The following MACROD2 variants were observed in gnomAD, a reference collection of about 807,000 sequenced individuals.
MACROD2 encodes mono-ADP ribosylhydrolase 2.
MACROD2 carries 36 observed loss-of-function variants against 70.4 expected under a neutral mutation model. The observed-to-expected ratio is 0.51, with a 90% CI of 0.39 to 0.68. The LOEUF is 0.68. Ranked by LOEUF, MACROD2 falls within the 30% of genes least tolerant of loss-of-function variation. The pLI, the probability that MACROD2 is intolerant of heterozygous loss-of-function variation, is 0.00. For missense variants in MACROD2, 496 were observed against 538.4 expected, an observed-to-expected ratio of 0.92 and a Z score of 0.78; for synonymous variants, 172 against 178.8, an observed-to-expected ratio of 0.96 and a Z score of 0.30.
intron 10 of MACROD2, among the ~76,000 whole-genome samples, chr20:15,895,849 G>A (rs1222533829): frequency 6.6e-6 from 1 of 152,178 alleles, no homozygotes; most frequent in Admixed American, 6.5e-5. Context: ...ACCGCATTGA[G>A]GTGCATCCAC....
intron 10 of MACROD2, among the ~76,000 whole-genome samples, chr20:15,892,324 C>T (rs151056824): frequency 2.6e-5 from 4 of 152,258 alleles, no homozygotes; most frequent in East Asian, 1.9e-4. Context: ...GAAATAAACT[C>T]GGAGATGCTT....
chr20:14,362,889 G>C (rs561111057), intron 3 of MACROD2, among the ~76,000 whole-genome samples: 1 of 152,078 alleles, frequency 6.6e-6, no homozygotes, highest in Non-Finnish European at 1.5e-5. Flanking sequence ...GAGTATTCTT[G>C]TTTTTAATGT....
At chr20:14,070,440 C>T (rs2053822876) in intron 2 of MACROD2, among the ~76,000 whole-genome samples, 1 of 152,088 alleles carries the variant, frequency 6.6e-6, no homozygotes, top group South Asian at 2.1e-4. Flanking sequence ...CCTGGGATTC[C>T]TCTAGTTCCC....
intron 4 of MACROD2, among the ~76,000 whole-genome samples, chr20:14,591,483 T>G (rs544978041): frequency 6.6e-6 from 1 of 152,312 alleles, no homozygotes; most frequent in Admixed American, 6.5e-5. Flanking sequence ...TTTCCAGCAA[T>G]GCCTGTTTTA....
chr20:15,529,586 C>CA (rs1018332398), intron 8 of MACROD2, among the ~76,000 whole-genome samples: 1 of 150,554 alleles, frequency 6.6e-6, no homozygotes, highest in African/African-American at 2.4e-5. Flanking sequence ...TAAATACAAG[C>CA]AAAAAAATGT....
chr20:14,167,964 A>G (rs2081186349), intron 3 of MACROD2, among the ~76,000 whole-genome samples: 3 of 152,314 alleles, frequency 2.0e-5, no homozygotes, highest in South Asian at 2.1e-4. Flanking sequence ...ATCAGTCAAA[A>G]GAAATATCCA....
chr20:15,347,343 A>T (rs1390311471), intron 6 of MACROD2, among the ~76,000 whole-genome samples: 1 of 152,096 alleles, frequency 6.6e-6, no homozygotes, highest in African/African-American at 2.4e-5. Flanking sequence ...GTTTTTACTT[A>T]TTAGAAATGG....
chr20:15,553,541 C>T (rs533670563), intron 8 of MACROD2, among the ~76,000 whole-genome samples: 1 of 152,244 alleles, frequency 6.6e-6, no homozygotes, highest in South Asian at 2.1e-4. Context: ...ACCTCAGCCT[C>T]CCAAGTAGCT....
chr20:15,859,198 A>T (rs1568601501), intron 8 of MACROD2, among the ~76,000 whole-genome samples: 2 of 152,180 alleles, frequency 1.3e-5, no homozygotes, highest in East Asian at 3.8e-4. Flanking sequence ...TATTGTCTTC[A>T]CATTGAGTGG....
At chr20:15,600,832 CA>C (rs2048809754) in intron 8 of MACROD2, among the ~76,000 whole-genome samples, 1 of 152,088 alleles carries the variant, frequency 6.6e-6, no homozygotes, top group Non-Finnish European at 1.5e-5. Flanking sequence ...CACAGGAGCT[CA>C]AAAATATATA....
chr20:14,595,549 A>G (rs1982070243), intron 4 of MACROD2, among the ~76,000 whole-genome samples: 1 of 152,190 alleles, frequency 6.6e-6, no homozygotes, highest in Non-Finnish European at 1.5e-5. Context: ...CTCTGTGACT[A>G]TATAAAATTT....
intron 15 of MACROD2, among the ~76,000 whole-genome samples, chr20:16,023,988 G>A (rs1423976303): frequency 2.0e-5 from 3 of 152,186 alleles, no homozygotes; most frequent in Admixed American, 1.3e-4. Context: ...AGAGTGCAGA[G>A]ATACTGTCCC....
intron 8 of MACROD2, among the ~76,000 whole-genome samples, chr20:15,808,821 T>G (rs6131722): frequency 0.033 from 5,101 of 152,308 alleles, 369 homozygotes; most frequent in East Asian, 0.31. Flanking sequence ...ATCCCTACCC[T>G]AACACATTGG....
At chr20:15,297,154 A>G (rs1011120507) in intron 6 of MACROD2, among the ~76,000 whole-genome samples, 2 of 152,212 alleles carry the variant, frequency 1.3e-5, no homozygotes, top group Non-Finnish European at 2.9e-5. Context: ...TAAAATGTTT[A>G]TTGCAGATTG....
chr20:14,547,294 T>A, intron 4 of MACROD2: 1 of 322,406 alleles, frequency 3.1e-6, no homozygotes, highest in Non-Finnish European at 5.5e-6. Flanking sequence ...ATGATAAATG[T>A]GCATGCATGG....
chr20:14,000,665 A>G (rs1472835076), intron 1 of MACROD2, among the ~76,000 whole-genome samples: 1 of 152,246 alleles, frequency 6.6e-6, no homozygotes, highest in Non-Finnish European at 1.5e-5. Context: ...AGCCAGTGTC[A>G]GTTTATACAT....
rs146662837 is a variant in MACROD2 at position 15,649,207 on chromosome 20, C to CTTCTTTCT, written c.645+149394_645+149401dup. On this transcript the variant is annotated intron_variant, in intron 8 of 17. Transcript: ENST00000684519. ...TTCTTTTTCCTTTCTTCTTTCTTTCCTTCTTTCTTTCTTTCTTTCTTTCTT... is the reference window on the plus strand; with the variant it reads ...TTCTTTTTCCTTTCTTCTTTCTTTCCTTCTTTCTTTCTTTCTTTCTTTCTTTCTTTCTT... Among the ~76,000 whole-genome samples the CTTCTTTCT allele has an allele frequency of 3.5e-3, 487 of 137,740 alleles. 2 individuals are homozygous for CTTCTTTCT. The highest frequency in any genetic ancestry group is 0.012 in the African/African-American group (435 of 36,282). 90.4% of individuals were successfully genotyped at this position (137,740 alleles called of 152,430 possible).
At chr20:14,139,467 T>A (rs1016881086) in intron 3 of MACROD2, among the ~76,000 whole-genome samples, 3 of 152,214 alleles carry the variant, frequency 2.0e-5, no homozygotes, top group Non-Finnish European at 4.4e-5. Context: ...AGAAAACTGG[T>A]TTTACTCATC....
intron 2 of MACROD2, among the ~76,000 whole-genome samples, chr20:14,010,056 T>C (rs2052880614): frequency 6.6e-6 from 1 of 152,136 alleles, no homozygotes; most frequent in Admixed American, 6.5e-5. Flanking sequence ...TTGATCTGTG[T>C]AGCTGGCCAC....
Sources: allele counts gnomAD v4.1 joint callset (sites outside exome capture counted in the v4.1 genomes callset), GRCh38; gene constraint gnomAD v4.1.1; transcripts MANE v1.5; gene names NCBI Gene and HGNC (gene_info 2026-07-23, HGNC 2026-07-21).